AKAP14: variants seen among roughly 807,000 people sequenced by gnomAD.
The protein encoded by AKAP14 is A-kinase anchor protein 14.
In AKAP14, 4 loss-of-function variants were observed where a neutral mutation model predicts 17.0. That is an observed-to-expected ratio of 0.23 (90% CI 0.12 to 0.54). AKAP14 has a LOEUF of 0.54. AKAP14 is among the 20% of genes least tolerant of loss of function. AKAP14 has a pLI of 0.95. For missense variants in AKAP14, 129 were observed against 150.9 expected, an observed-to-expected ratio of 0.85 and a Z score of 0.76; for synonymous variants, 42 against 51.3, an observed-to-expected ratio of 0.82 and a Z score of 0.77.
intron 2 of AKAP14, among the ~76,000 whole-genome samples, chrX:119,898,508 T>A (rs2056544398): frequency 9.0e-6 from 1 of 110,964 alleles, no homozygotes; most frequent in Admixed American, 9.7e-5. Context: ...GAGTTGCCCT[T>A]TGTCCGGGCG....
Position 119,919,915 on chromosome X carries a change from C to T in AKAP14, c.446C>T (p.Ala149Val), listed in dbSNP as rs769306847. The change falls in exon 6 of 7, where the codon GCA becomes GTA. Residue 149 changes from alanine (A) to valine (V), a missense_variant. By Grantham distance (64) the Ala-to-Val change is moderately conservative. Transcript: ENST00000371431. Reference sequence around the variant, plus strand: ...AGTTGTCCTTCTCTTTTTTAGGATGCACCCATTGTTGTTTCTTATGTAGGT... The same window carrying T: ...AGTTGTCCTTCTCTTTTTTAGGATGTACCCATTGTTGTTTCTTATGTAGGT... ...MKVSKTKPPD[A>V]PIVVSYVGDH... is the part of the protein sequence containing the mutation. The T allele has an allele frequency of 8.3e-7, 1 of 1,208,316 alleles. No homozygotes were observed. The highest frequency in any genetic ancestry group is 3.0e-5 in the East Asian group (1 of 33,718).
intron 4 of AKAP14, among the ~76,000 whole-genome samples, chrX:119,908,664 G>T (rs1270628795): frequency 9.0e-6 from 1 of 111,677 alleles, no homozygotes; most frequent in Non-Finnish European, 1.9e-5. Context: ...TCTGTTGATT[G>T]TGAGTGTCCA....
At chrX:119,903,161 C>A (rs142288574) in intron 2 of AKAP14, 53 bp from the exon 3 acceptor site, 1 of 1,069,958 alleles carries the variant, frequency 9.3e-7, no homozygotes, top group Non-Finnish European at 1.3e-6. Flanking sequence ...TATATGAGTG[C>A]GTTCACATGT....
chrX:119,917,255 A>C (rs988015318), intron 5 of AKAP14, among the ~76,000 whole-genome samples: 4 of 111,446 alleles, frequency 3.6e-5, no homozygotes, highest in Non-Finnish European at 5.7e-5. Context: ...AGGTGGACAG[A>C]TCACCTGAGG....
intron 5 of AKAP14, 175 bp from the exon 6 acceptor site, chrX:119,919,736 C>A: frequency 7.4e-6 from 3 of 402,898 alleles, no homozygotes; most frequent in Non-Finnish European, 1.3e-5. Context: ...ATCCCAGCTA[C>A]TCAGGAGGCT....
chrX:119,901,068 T>C (rs1038403177), intron 2 of AKAP14, among the ~76,000 whole-genome samples: 2 of 112,236 alleles, frequency 1.8e-5, no homozygotes, highest in East Asian at 5.6e-4. Context: ...ATAGCTATCA[T>C]TTATGATAAA....
chrX:119,920,382 C>T lies in AKAP14; in HGVS notation c.495-126C>T, dbSNP rs2056682366. On this transcript the variant is annotated intron_variant, in intron 6 of 6. Transcript: ENST00000371431. ...AGAACCTTAGCTACCTCCCCTCCCC[C>T]GCCAATAAAAGAGGCTTCTTGCTTA... is the stretch of plus-strand genomic sequence containing the variant. 14 of 495,133 alleles carry T rather than the reference C, an allele frequency of 2.8e-5. No individual in the cohort carries two copies. In the South Asian group the frequency reaches 4.2e-4, roughly 15 times the overall value. 40.8% of individuals were successfully genotyped at this position (495,133 alleles called of 1,213,427 possible). A position where few individuals can be genotyped will look rare whatever the true frequency, so the allele number is the denominator to read the frequency against.
intron 2 of AKAP14, among the ~76,000 whole-genome samples, chrX:119,900,315 A>G (rs953680609): frequency 9.4e-6 from 1 of 105,828 alleles, no homozygotes. Flanking sequence ...CTGGTCTTGA[A>G]CTCCTGACCT....
At chrX:119,901,700 T>C (rs1192446527) in intron 2 of AKAP14, among the ~76,000 whole-genome samples, 1 of 85,169 alleles carries the variant, frequency 1.2e-5, no homozygotes, top group Non-Finnish European at 2.3e-5. Context: ...AACGAAACTT[T>C]GTCTCAAAAA....
At chrX:119,910,057 G>A (rs1280193235) in intron 4 of AKAP14, among the ~76,000 whole-genome samples, 1 of 110,466 alleles carries the variant, frequency 9.1e-6, no homozygotes, top group Non-Finnish European at 1.9e-5. Context: ...CAGCTACTTG[G>A]GAGGCTGAGG....
At chrX:119,904,775 C>T (rs748818895) in intron 4 of AKAP14, among the ~76,000 whole-genome samples, 2 of 111,168 alleles carry the variant, frequency 1.8e-5, no homozygotes, top group East Asian at 2.8e-4. Flanking sequence ...CCCAGCTACT[C>T]GGGAGGCTGA....
chrX:119,917,475 C>T (rs375656118), intron 5 of AKAP14, among the ~76,000 whole-genome samples: 22 of 112,175 alleles, frequency 2.0e-4, no homozygotes, highest in East Asian at 5.6e-4. Flanking sequence ...CGTGGTGGCT[C>T]ATGCCTATAA....
chrX:119,916,433 AATCTATCT>A (rs66480348), intron 5 of AKAP14, among the ~76,000 whole-genome samples: 7,658 of 99,011 alleles, frequency 0.077, 293 homozygotes, highest in Middle Eastern at 0.14. Flanking sequence ...CTGCCTATCT[AATCTATCT>A]ATCTATCTAT....
intron 4 of AKAP14, among the ~76,000 whole-genome samples, chrX:119,914,226 A>G (rs2056644128): frequency 1.0e-5 from 1 of 99,727 alleles, no homozygotes; most frequent in Admixed American, 1.2e-4. Flanking sequence ...CAACAGAGAG[A>G]GACTCCATCT....
chrX:119,919,419 A>G (rs1338510673), intron 5 of AKAP14, among the ~76,000 whole-genome samples: 1 of 112,457 alleles, frequency 8.9e-6, no homozygotes. Context: ...TTGTTGTCAA[A>G]AAGATATTTT....
At chrX:119,911,074 C>T (rs916179129) in intron 4 of AKAP14, among the ~76,000 whole-genome samples, 8 of 107,040 alleles carry the variant, frequency 7.5e-5, no homozygotes, top group Admixed American at 2.0e-4. Context: ...TAATATTGGC[C>T]GGGCATGGTG....
chrX:119,900,118 G>A (rs1279668390), intron 2 of AKAP14, among the ~76,000 whole-genome samples: 3 of 106,090 alleles, frequency 2.8e-5, no homozygotes, highest in African/African-American at 1.0e-4. Flanking sequence ...TTGAGATGGA[G>A]TCTCACTCTC....
rs906371627 is a variant in AKAP14 at position 119,903,171 on chromosome X, T to G, written c.-10-43T>G. ...GTACTTATATGAGTGCGTTCACATG[T>G]GTGTACACACACAGGCACACAGTAA... On this transcript the variant is annotated intron_variant, in intron 2 of 6. Coordinates refer to ENST00000371431, the MANE Select transcript of AKAP14 (RefSeq NM_178813.6). 2.6e-6 allele frequency: 3 copies of G among 1,142,541 alleles called. No individual in the cohort carries two copies. The Admixed American group carries it at 7.3e-5, about 28-fold the overall frequency. The allele number at this position is 1,142,541 out of a possible 1,213,427, so 94.2% of individuals were successfully genotyped here. A position where few individuals can be genotyped will look rare whatever the true frequency, so the allele number is the denominator to read the frequency against.
chrX:119,904,396 G>T (rs2056585745), intron 4 of AKAP14, among the ~76,000 whole-genome samples: 1 of 112,742 alleles, frequency 8.9e-6, no homozygotes, highest in Admixed American at 9.5e-5. Flanking sequence ...ACTTCTTCGT[G>T]TGGCAGCTTT....
Sources: allele counts gnomAD v4.1 joint callset (sites outside exome capture counted in the v4.1 genomes callset), GRCh38; gene constraint gnomAD v4.1.1; transcripts MANE v1.5; gene names NCBI Gene and HGNC (gene_info 2026-07-23, HGNC 2026-07-21).